Variants in LINGO2 observed in about 807,000 individuals in gnomAD.
LINGO2 encodes leucine rich repeat and Ig domain containing 2.
A neutral mutation model predicts 30.6 loss-of-function variants in LINGO2; 14 were observed. The ratio of observed to expected loss-of-function variants is 0.46; its 90% CI spans 0.30 to 0.72. The LOEUF is 0.72. LINGO2 is among the 30% of genes least tolerant of loss of function. The probability of loss-of-function intolerance (pLI) is 0.07; values close to 1 mark genes in which losing one functional copy is unlikely to be tolerated. For missense variants in LINGO2, 729 were observed against 751.7 expected (o/e 0.97, Z 0.35); for synonymous variants, 317 against 288.5 (o/e 1.10, Z -1.00).
the LINGO2 span, among the ~76,000 whole-genome samples, chr9:29,078,233 T>G: frequency 6.6e-6 from 1 of 151,936 alleles, no homozygotes; most frequent in Non-Finnish European, 1.5e-5. Context: ...AGAACAAGTA[T>G]GCTACAGGCA....
chr9:28,189,103 T>C (rs1466617627), intron 4 of LINGO2, among the ~76,000 whole-genome samples: 1 of 152,092 alleles, frequency 6.6e-6, no homozygotes, highest in East Asian at 1.9e-4. Flanking sequence ...TACAGGGCTA[T>C]CCTGCAAATT....
chr9:28,683,029 T>A, the LINGO2 span, among the ~76,000 whole-genome samples: 1 of 152,066 alleles, frequency 6.6e-6, no homozygotes, highest in South Asian at 2.1e-4. Flanking sequence ...TTTTAAGTAT[T>A]CCCACTTTCC....
chr9:28,431,403 AAGAG>A (rs1349162962), intron 2 of LINGO2, among the ~76,000 whole-genome samples: 2 of 152,212 alleles, frequency 1.3e-5, no homozygotes, highest in African/African-American at 2.4e-5. Context: ...AGAAGGGAGA[AAGAG>A]AGAGCGCAAT....
At chr9:29,034,540 C>T in the LINGO2 span, among the ~76,000 whole-genome samples, 2 of 151,868 alleles carry the variant, frequency 1.3e-5, no homozygotes, top group Non-Finnish European at 2.9e-5. Flanking sequence ...ATTGTTATTC[C>T]TTTTTTGGAG....
At chr9:29,205,992 T>C in the LINGO2 span, among the ~76,000 whole-genome samples, 2 of 152,230 alleles carry the variant, frequency 1.3e-5, no homozygotes, top group Non-Finnish European at 2.9e-5. Context: ...GTGTTTTTTG[T>C]TACTGGCTTC....
chr9:28,332,735 C>A (rs968021124), intron 3 of LINGO2, among the ~76,000 whole-genome samples: 3 of 152,050 alleles, frequency 2.0e-5, no homozygotes, highest in African/African-American at 7.2e-5. Flanking sequence ...AAACAAGAAC[C>A]TTATTTAGTC....
chr9:28,135,639 C>G (rs957373840), intron 4 of LINGO2, among the ~76,000 whole-genome samples: 1 of 151,954 alleles, frequency 6.6e-6, no homozygotes, highest in Admixed American at 6.6e-5. Context: ...CTGTATTACT[C>G]CCACTCCTTT....
At chr9:28,901,010 ATATAT>A in the LINGO2 span, among the ~76,000 whole-genome samples, 1 of 152,206 alleles carries the variant, frequency 6.6e-6, no homozygotes, top group East Asian at 1.9e-4. Flanking sequence ...CTAGAGGAAG[ATATAT>A]TATAGTAAAA....
At chr9:28,252,263 G>T (rs1050725817) in intron 4 of LINGO2, among the ~76,000 whole-genome samples, 1 of 152,042 alleles carries the variant, frequency 6.6e-6, no homozygotes, top group Non-Finnish European at 1.5e-5. Flanking sequence ...CTCTCACTCT[G>T]TTTCTAGGCT....
chr9:28,537,841 A>G (rs1821502881), intron 1 of LINGO2, among the ~76,000 whole-genome samples: 3 of 151,826 alleles, frequency 2.0e-5, no homozygotes, highest in African/African-American at 4.8e-5. Context: ...TTGAGTCCTG[A>G]AAAAGTGTCA....
the LINGO2 span, among the ~76,000 whole-genome samples, chr9:28,691,502 G>A: frequency 6.6e-6 from 1 of 151,764 alleles, no homozygotes; most frequent in Non-Finnish European, 1.5e-5. Flanking sequence ...TCTTCCATGT[G>A]CAAGCAAAAC....
At chr9:28,028,576 T>C (rs1007063208) in intron 4 of LINGO2, among the ~76,000 whole-genome samples, 1 of 152,152 alleles carries the variant, frequency 6.6e-6, no homozygotes, top group African/African-American at 2.4e-5. Context: ...AGGGGGTTGT[T>C]TCCAGGACCC....
the LINGO2 span, among the ~76,000 whole-genome samples, chr9:28,873,882 A>T: frequency 0.016 from 2,431 of 151,372 alleles, 66 homozygotes; most frequent in African/African-American, 0.053. Flanking sequence ...AAAATAAAAA[A>T]ATATATATAT....
chr9:28,674,092 A>G (rs1829131045), upstream of LINGO2, among the ~76,000 whole-genome samples: 2 of 152,136 alleles, frequency 1.3e-5, no homozygotes, highest in South Asian at 4.1e-4. Flanking sequence ...AAACAATGTT[A>G]AAGAGAGGTG....
At chr9:28,829,510 T>C in the LINGO2 span, among the ~76,000 whole-genome samples, 1 of 152,194 alleles carries the variant, frequency 6.6e-6, no homozygotes, top group Non-Finnish European at 1.5e-5. Flanking sequence ...GGGGATAACA[T>C]GGGACGCACA....
the LINGO2 span, among the ~76,000 whole-genome samples, chr9:28,699,323 G>C: frequency 6.6e-6 from 1 of 151,996 alleles, no homozygotes; most frequent in East Asian, 1.9e-4. Flanking sequence ...ACTGGCTGGA[G>C]CTGCGGCAGA....
the LINGO2 span, among the ~76,000 whole-genome samples, chr9:29,195,917 G>T: frequency 1.3e-5 from 2 of 152,052 alleles, no homozygotes; most frequent in Non-Finnish European, 2.9e-5. Flanking sequence ...ATCAGTGAAT[G>T]TAAGTTATCC....
At chr9:28,755,698 C>G in the LINGO2 span, among the ~76,000 whole-genome samples, 1 of 152,026 alleles carries the variant, frequency 6.6e-6, no homozygotes, top group East Asian at 1.9e-4. Context: ...GTATTATCAG[C>G]TACTTAGTAG....
chr9:28,297,268 G>T (rs1465305508), intron 3 of LINGO2, among the ~76,000 whole-genome samples: 8 of 152,124 alleles, frequency 5.3e-5, no homozygotes, highest in Non-Finnish European at 1.2e-4. Flanking sequence ...ACACAGAAAT[G>T]ATGCTATTGA....
Sources: allele counts gnomAD v4.1 joint callset (sites outside exome capture counted in the v4.1 genomes callset), GRCh38; gene constraint gnomAD v4.1.1; transcripts MANE v1.5; gene names NCBI Gene and HGNC (gene_info 2026-07-23, HGNC 2026-07-21).